COMT: variants seen among roughly 807,000 people sequenced by gnomAD.
COMT encodes the protein catechol-O-methyltransferase, also known as catechol O-methyltransferase.
A neutral mutation model predicts 18.9 loss-of-function variants in COMT; 13 were observed. The observed-to-expected ratio is 0.69, with a 90% confidence interval of 0.45 to 1.09. The LOEUF is 1.09. Among genes scored for constraint, COMT ranks in the 50% least tolerant of loss-of-function variants. The pLI is 0.00. For missense variants in COMT, 329 were observed against 361.8 expected, an observed-to-expected ratio of 0.91 and a Z score of 0.73; for synonymous variants, 150 against 160.9, an observed-to-expected ratio of 0.93 and a Z score of 0.51.
At chr22:19,949,111 CAT>C (rs1391629056) in intron 1 of COMT, among the ~76,000 whole-genome samples, 1 of 152,044 alleles carries the variant, frequency 6.6e-6, no homozygotes, top group African/African-American at 2.4e-5. Flanking sequence ...GCCTGGGAAA[CAT>C]AGGGATAACT....
chr22:19,957,276 G>A (rs1029991268), intron 1 of COMT, among the ~76,000 whole-genome samples: 7 of 152,124 alleles, frequency 4.6e-5, no homozygotes, highest in African/African-American at 1.4e-4. Context: ...AAAGAAAGAT[G>A]AGACCAGATG....
chr22:19,962,137 G>A (rs566981159), intron 2 of COMT: 4 of 307,290 alleles, frequency 1.3e-5, no homozygotes, highest in Admixed American at 4.4e-5. Flanking sequence ...CCCCAACTCC[G>A]GGCCATGGGG....
Position 19,962,663 on chromosome 22 carries a change from T to A in COMT, c.137T>A (p.Ile46Asn), listed in dbSNP as rs762297267. 9 of 1,612,542 alleles carry A rather than the reference T, an allele frequency of 5.6e-6. No individual in the cohort carries two copies. The South Asian group carries it at 9.9e-5, about 18-fold the overall frequency. ...IGWNEFILQP[I>N]HNLLMGDTKE... ...TGGAACGAGTTCATCCTGCAGCCCA[T>A]CCACAACCTGCTCATGGGTGACACC... is the stretch of plus-strand genomic sequence containing the variant. The change falls in exon 3 of 6, where the codon ATC becomes AAC. Residue 46 changes from isoleucine to asparagine, a missense_variant. Physicochemically the swap from Ile to Asn is moderately radical, Grantham distance 149 (BLOSUM62 -3). Transcript: ENST00000361682.
At chr22:19,949,965 T>G (rs1941898931) in intron 1 of COMT, among the ~76,000 whole-genome samples, 1 of 152,156 alleles carries the variant, frequency 6.6e-6, no homozygotes, top group African/African-American at 2.4e-5. Flanking sequence ...CATATAAAAA[T>G]AAGAAGCCAA....
chr22:19,958,575 T>TA (rs361574), intron 1 of COMT, among the ~76,000 whole-genome samples: 6,201 of 121,586 alleles, frequency 0.051, 292 homozygotes, highest in East Asian at 0.25. Context: ...TTATTTTCCT[T>TA]AAAAAAAAAA....
chr22:19,959,524 C>G, intron 1 of COMT, among the ~76,000 whole-genome samples: 1 of 142,534 alleles, frequency 7.0e-6, no homozygotes, highest in East Asian at 2.5e-4. Flanking sequence ...GGAGGGTGGG[C>G]GGGGAGGCCC....
chr22:19,947,460 G>A lies in COMT; in HGVS notation c.-92+5563G>A, dbSNP rs9332331. Among the ~76,000 whole-genome samples, 413 of 152,304 alleles carry A rather than the reference G, an allele frequency of 2.7e-3. 5 individuals carry two copies. The East Asian group carries it at 0.055, about 20-fold the overall frequency. On this transcript the variant is annotated intron_variant, in intron 1 of 5. Transcript: ENST00000361682. ...TATTGGATACAAGACAAGGGGGCAG[G>A]GTAAGGAGTGTGAGCTATCTCCAGT... is the stretch of plus-strand genomic sequence containing the variant.
intron 1 of COMT, among the ~76,000 whole-genome samples, chr22:19,947,195 C>T (rs902762874): frequency 3.3e-5 from 5 of 151,908 alleles, no homozygotes; most frequent in East Asian, 1.9e-4. Flanking sequence ...GGATTACAGG[C>T]GTGAGTCACC....
intron 5 of COMT, among the ~76,000 whole-genome samples, chr22:19,965,886 G>A (rs1425582997): frequency 6.6e-6 from 1 of 152,158 alleles, no homozygotes; most frequent in Admixed American, 6.5e-5. Flanking sequence ...CCCTGACAAA[G>A]GAGCATGATG....
rs761671459 is a variant in COMT at position 19,941,808 on chromosome 22, G to C, written c.-181G>C. On this transcript the variant is annotated 5_prime_UTR_variant, in exon 1 of 6. Coordinates refer to ENST00000361682, the MANE Select transcript of COMT (RefSeq NM_000754.4). ...CGCCACCGCCATTGCCGCCATCGTCGTGGGGCTTCTGGGGCAGCTAGGGCT... is the reference window on the plus strand; with the variant it reads ...CGCCACCGCCATTGCCGCCATCGTCCTGGGGCTTCTGGGGCAGCTAGGGCT... 6.5e-7 allele frequency: 1 copy of C among 1,532,894 alleles called. No homozygotes were observed. Among genetic ancestry groups the C allele is most frequent in the East Asian group, 2.6e-5 (1 of 38,062 alleles). The allele number at this position is 1,532,894 out of a possible 1,614,324, so 95.0% of individuals were successfully genotyped here.
intron 1 of COMT, among the ~76,000 whole-genome samples, chr22:19,959,381 CGT>C (rs1304107406): frequency 6.6e-6 from 1 of 152,260 alleles, no homozygotes; most frequent in African/African-American, 2.4e-5. Context: ...GCCAGGTGGG[CGT>C]GATCCCACCC....
intron 1 of COMT, among the ~76,000 whole-genome samples, chr22:19,953,120 T>C (rs11704299): frequency 0.018 from 2,683 of 152,078 alleles, 42 homozygotes; most frequent in Non-Finnish European, 0.024. Context: ...GGGGGAGTCT[T>C]TGTCCAGGCT....
intron 5 of COMT, among the ~76,000 whole-genome samples, chr22:19,966,595 T>G (rs1288961367): frequency 1.4e-5 from 2 of 147,612 alleles, no homozygotes; most frequent in African/African-American, 5.3e-5. Context: ...CATGCACCAC[T>G]ACACCTGGCT....
intron 1 of COMT, chr22:19,951,756 C>G (rs1355004677): frequency 2.0e-5 from 3 of 152,246 alleles, no homozygotes; most frequent in Non-Finnish European, 2.9e-5. Flanking sequence ...GGAGGAAGAA[C>G]AGTGGGGACT....
chr22:19,965,312 G>A (rs1263834735), intron 5 of COMT: 3 of 152,164 alleles, frequency 2.0e-5, no homozygotes, highest in South Asian at 4.1e-4. Context: ...AGGAGAGTTC[G>A]AGACCAGCCT....
rs753856814 is a variant in COMT at position 19,962,762 on chromosome 22, T to C, written c.236T>C (p.Ile79Thr). 1.4e-5 allele frequency: 22 copies of C among 1,612,906 alleles called. No individual in the cohort carries two copies. Among genetic ancestry groups the C allele is most frequent in the Middle Eastern group, 1.7e-4 (1 of 6,058 alleles). Residue 79 changes from isoleucine (I) to threonine (T), a missense_variant, in exon 3 of 6, where the codon ATT (isoleucine) becomes ACT (threonine). Ile to Thr is a moderately conservative substitution (Grantham distance 89, BLOSUM62 -1). Transcript: ENST00000361682. ...AACGCACAGAGCGTGCTGGAGGCCATTGACACCTACTGCGAGCAGAAGGAG... is the reference window on the plus strand; with the variant it reads ...AACGCACAGAGCGTGCTGGAGGCCACTGACACCTACTGCGAGCAGAAGGAG... ...PGNAQSVLEA[I>T]DTYCEQKEWA...
rs1167737861 is a variant in COMT at position 19,968,706 on chromosome 22, C to T, written c.786C>T (p.Tyr262=). 1 of 1,613,012 alleles carries T rather than the reference C, an allele frequency of 6.2e-7. No homozygotes were observed. The highest frequency in any genetic ancestry group is 1.1e-5 in the South Asian group (1 of 91,060). ...TGGACGGCCTGGAGAAGGCCATCTA[C>T]AAGGGCCCAGGCAGCGAAGCAGGGC... ...EVVDGLEKAI[Y]KGPGSEAGP The change falls in exon 6 of 6, where the codon TAC becomes TAT. Residue 262 remains tyrosine (Y), a synonymous_variant. Transcript: ENST00000361682.
rs1941735480 is a variant in COMT at position 19,941,866 on chromosome 22, G to T, written c.-123G>T. 7.0e-7 allele frequency: 1 copy of T among 1,427,380 alleles called. No individual in the cohort carries two copies. The highest frequency in any genetic ancestry group is 9.1e-7 in the Non-Finnish European group (1 of 1,099,308). The allele number at this position is 1,427,380 out of a possible 1,614,324, so 88.4% of individuals were successfully genotyped here. A position where few individuals can be genotyped will look rare whatever the true frequency, so the allele number is the denominator to read the frequency against. ...GCGCTGCCTGCGCCGGACCGGGGCGGGTCCAGTCCCGGGCGGGCCGTCGCG... is the reference window on the plus strand; with the variant it reads ...GCGCTGCCTGCGCCGGACCGGGGCGTGTCCAGTCCCGGGCGGGCCGTCGCG... On this transcript the variant is annotated 5_prime_UTR_variant, in exon 1 of 6. Coordinates refer to ENST00000361682, the MANE Select transcript of COMT (RefSeq NM_000754.4).
chr22:19,967,083 G>T, intron 5 of COMT: 1 of 1,237,840 alleles, frequency 8.1e-7, no homozygotes, highest in Non-Finnish European at 1.0e-6. Context: ...TTTCGTAAAG[G>T]AGTGGGCCCC....
Sources: gnomAD v4.1 joint callset for allele counts (sites outside exome capture counted in the v4.1 genomes callset) on GRCh38, gnomAD v4.1.1 for gene constraint, MANE v1.5 for transcripts, NCBI Gene and HGNC (gene_info 2026-07-23, HGNC 2026-07-21) for gene names.